Variants in HECW2 observed in about 807,000 individuals in gnomAD.
The protein encoded by HECW2 is E3 ubiquitin-protein ligase HECW2.
Under a neutral mutation model 175.2 loss-of-function variants are expected in HECW2, and 61 were observed. The ratio of observed to expected loss-of-function variants is 0.35; its 90% CI spans 0.28 to 0.43. The LOEUF (loss-of-function observed/expected upper bound fraction) is 0.43. HECW2 is among the 20% of genes least tolerant of loss of function. HECW2 has a pLI of 1.00. For synonymous variants in HECW2, 671 were observed against 731.0 expected (o/e 0.92, Z 1.32); for missense variants, 1,524 against 2,000.5 (o/e 0.76, Z 4.54).
chr2:196,518,863 T>G (rs1688245772), intron 1 of HECW2, among the ~76,000 whole-genome samples: 1 of 152,050 alleles, frequency 6.6e-6, no homozygotes, highest in Admixed American at 6.6e-5. Context: ...TCACCAGTCT[T>G]TCTGCCAGGC....
chr2:196,223,755 G>T (rs1446871289), intron 23 of HECW2, among the ~76,000 whole-genome samples: 1 of 152,162 alleles, frequency 6.6e-6, no homozygotes, highest in African/African-American at 2.4e-5. Context: ...ATGAGGGGTG[G>T]TTATCATTAG....
intron 1 of HECW2, among the ~76,000 whole-genome samples, chr2:196,483,093 G>GAAA (rs1559137286): frequency 1.2e-5 from 1 of 84,420 alleles, no homozygotes. Flanking sequence ...TTTCATAGTT[G>GAAA]TAAAAAAAAA....
chr2:196,204,072 T>C (rs748513128), intron 28 of HECW2, among the ~76,000 whole-genome samples: 3 of 152,248 alleles, frequency 2.0e-5, no homozygotes, highest in Admixed American at 6.5e-5. Flanking sequence ...TTCCATTGTA[T>C]GTATATACCA....
chr2:196,584,118 G>C (rs1690891558), intron 1 of HECW2, among the ~76,000 whole-genome samples: 1 of 152,092 alleles, frequency 6.6e-6, no homozygotes, highest in African/African-American at 2.4e-5. Flanking sequence ...GGATGAGGTG[G>C]GAAAAATGAC....
chr2:196,225,299 T>C (rs1292544363), intron 23 of HECW2, among the ~76,000 whole-genome samples: 3 of 151,914 alleles, frequency 2.0e-5, no homozygotes, highest in Non-Finnish European at 2.9e-5. Context: ...GACAAACAAA[T>C]AAAAAACAAA....
intron 21 of HECW2, among the ~76,000 whole-genome samples, chr2:196,229,495 A>G (rs1183328256): frequency 6.6e-6 from 1 of 152,100 alleles, no homozygotes; most frequent in Non-Finnish European, 1.5e-5. Flanking sequence ...AGAGTGACAC[A>G]GTGAGACCCC....
At chr2:196,560,412 G>A (rs1460564522) in intron 1 of HECW2, among the ~76,000 whole-genome samples, 1 of 152,118 alleles carries the variant, frequency 6.6e-6, no homozygotes, top group Non-Finnish European at 1.5e-5. Flanking sequence ...CTCCCAAAGT[G>A]CTGGGATTAC....
chr2:196,565,339 G>T (rs1186731206), intron 1 of HECW2, among the ~76,000 whole-genome samples: 2 of 152,044 alleles, frequency 1.3e-5, no homozygotes, highest in African/African-American at 2.4e-5. Flanking sequence ...TCCTCTTTCG[G>T]CATTTTGCCC....
intron 6 of HECW2, 105 bp downstream of exon 6, chr2:196,324,875 T>C (rs1692087764): frequency 3.2e-6 from 3 of 933,970 alleles, no homozygotes; most frequent in Non-Finnish European, 4.8e-6. Context: ...GCAGAACCCC[T>C]AGACACTTCA....
intron 1 of HECW2, among the ~76,000 whole-genome samples, chr2:196,444,123 A>T (rs1267313736): frequency 3.9e-5 from 6 of 152,200 alleles, no homozygotes; most frequent in Non-Finnish European, 8.8e-5. Context: ...AAAGATACGA[A>T]ACTTTTACTC....
intron 5 of HECW2, among the ~76,000 whole-genome samples, chr2:196,329,354 T>C (rs1268476280): frequency 6.6e-6 from 1 of 152,154 alleles, no homozygotes; most frequent in East Asian, 1.9e-4. Flanking sequence ...ATATAGACTG[T>C]CTATCGCCAG....
chr2:196,533,250 C>T (rs1255527379), intron 1 of HECW2, among the ~76,000 whole-genome samples: 1 of 152,172 alleles, frequency 6.6e-6, no homozygotes, highest in Admixed American at 6.5e-5. Context: ...ATCTTAACCT[C>T]TGTAGAGAAA....
Position 196,331,363 on chromosome 2 carries a change from T to C in HECW2, c.496-1713A>G. 3 of 769,332 alleles carry C rather than the reference T, an allele frequency of 3.9e-6. No individual in the cohort carries two copies. The South Asian group carries it at 1.8e-4, about 45-fold the overall frequency. The allele number at this position is 769,332 out of a possible 1,614,324, so 47.7% of individuals were successfully genotyped here. On this transcript the variant is annotated intron_variant, in intron 4 of 28. Transcript: ENST00000644978. ...ACTGCTGTGGCTATCTCATCCTGCT[T>C]TCACCACACACTACGCTGGACTATG...
chr2:196,531,957 T>C (rs1688853538), intron 1 of HECW2, among the ~76,000 whole-genome samples: 1 of 152,220 alleles, frequency 6.6e-6, no homozygotes, highest in South Asian at 2.1e-4. Flanking sequence ...AAAAGCATTA[T>C]AAGCTCCTTG....
chr2:196,545,631 C>G (rs879748263), intron 1 of HECW2, among the ~76,000 whole-genome samples: 1 of 152,198 alleles, frequency 6.6e-6, no homozygotes, highest in Non-Finnish European at 1.5e-5. Flanking sequence ...CCAAGCACAC[C>G]TGCCACTAAC....
rs73051053 is a variant in HECW2, at chr2:196,452,289, A to G, written c.-35-18831T>C. Among the ~76,000 whole-genome samples, 391 of 152,350 alleles carry G rather than the reference A, an allele frequency of 2.6e-3. 1 individual carries two copies. The highest frequency in any genetic ancestry group is 9.1e-3 in the African/African-American group (380 of 41,590). On this transcript the variant is annotated intron_variant, in intron 1 of 28. Transcript: ENST00000644978. ...ATCATAAGTTTTTACAAGATTATAAATGGTAGTGTTTTAGATATACTGAGT... is the reference window on the plus strand; with the variant it reads ...ATCATAAGTTTTTACAAGATTATAAGTGGTAGTGTTTTAGATATACTGAGT...
At chr2:196,530,073 T>C (rs1575642338) in intron 1 of HECW2, among the ~76,000 whole-genome samples, 1 of 152,206 alleles carries the variant, frequency 6.6e-6, no homozygotes, top group African/African-American at 2.4e-5. Context: ...AAGAAAAAAA[T>C]CAGAAGATCT....
chr2:196,198,321 A>C lies in HECW2; in HGVS notation c.*2956T>G, dbSNP rs961159646. The C allele has an allele frequency of 6.6e-6, 1 of 152,210 alleles. No individual in the cohort carries two copies. The highest frequency in any genetic ancestry group is 2.4e-5 in the African/African-American group (1 of 41,460). The allele number at this position is 152,210 out of a possible 1,614,324, so 9.4% of individuals were successfully genotyped here. A position where few individuals can be genotyped will look rare whatever the true frequency, so the allele number is the denominator to read the frequency against. On this transcript the variant is annotated 3_prime_UTR_variant, in exon 29 of 29. Coordinates refer to ENST00000644978, the MANE Select transcript of HECW2 (RefSeq NM_001348768.2). ...CTTGCCATTGCTTCCCAATAGAAAC[A>C]GCATTGATGTAATTTTTTTTAGCCA...
chr2:196,381,475 T>G (rs1694205280), intron 2 of HECW2, among the ~76,000 whole-genome samples: 1 of 152,196 alleles, frequency 6.6e-6, no homozygotes, highest in African/African-American at 2.4e-5. Context: ...AGTGAAATTT[T>G]CAAGCAGGTC....
Sources: gnomAD v4.1 joint callset for allele counts (sites outside exome capture counted in the v4.1 genomes callset) on GRCh38, gnomAD v4.1.1 for gene constraint, MANE v1.5 for transcripts, NCBI Gene and HGNC (gene_info 2026-07-23, HGNC 2026-07-21) for gene names.